DIAPH2: variants seen among roughly 807,000 people sequenced by gnomAD.
DIAPH2 encodes the protein diaphanous related formin 2.
A neutral mutation model predicts 92.7 loss-of-function variants in DIAPH2; 35 were observed. The observed-to-expected ratio is 0.38, with a 90% CI of 0.29 to 0.50. The LOEUF (loss-of-function observed/expected upper bound fraction) is 0.50, where lower values mean the gene tolerates loss of function less well. Ranked by LOEUF, DIAPH2 falls within the 20% of genes least tolerant of loss-of-function variation. The pLI, the probability that DIAPH2 is intolerant of heterozygous loss-of-function variation, is 0.94. For synonymous variants in DIAPH2, 301 were observed against 280.4 expected, an observed-to-expected ratio of 1.07 and a Z score of -0.73; for missense variants, 701 against 819.5, an observed-to-expected ratio of 0.86 and a Z score of 1.77.
rs747787733 is a variant in DIAPH2 at position 97,601,765 on chromosome X, T to TAACA, written c.*2451_*2454dup. 1.8e-5 allele frequency: 2 copies of TAACA among 112,055 alleles called. No homozygotes were observed. The highest frequency in any genetic ancestry group is 3.8e-5 in the Non-Finnish European group (2 of 53,305). The allele number at this position is 112,055 out of a possible 1,213,427, so 9.2% of individuals were successfully genotyped here. ...CATCCATCATCTCCTTTGGCTGCTG[T>TAACA]AACAAATTACCACCAATAATATGAT... On this transcript the variant is annotated 3_prime_UTR_variant, in exon 27 of 27. Coordinates refer to ENST00000324765, the MANE Select transcript of DIAPH2 (RefSeq NM_006729.5).
At chrX:97,168,806 T>A (rs1194819635) in intron 22 of DIAPH2, among the ~76,000 whole-genome samples, 1 of 112,221 alleles carries the variant, frequency 8.9e-6, no homozygotes, top group East Asian at 2.8e-4. Context: ...TCCTGTTTTA[T>A]GCATGGCCGC....
chrX:97,172,126 T>C (rs999497926), intron 22 of DIAPH2, among the ~76,000 whole-genome samples: 3 of 111,886 alleles, frequency 2.7e-5, no homozygotes, highest in Non-Finnish European at 3.8e-5. Flanking sequence ...TTATATGTTA[T>C]ACTAATAGTT....
rs1256739229 is a variant in DIAPH2 at position 97,364,830 on chromosome X, G to T, written c.3009+16550G>T. ...AAGCATTTCCAAAGGTCTTACTTTT[G>T]GTCCTGCATATTTTTCTTCCTGGGT... is the stretch of plus-strand genomic sequence containing the variant. On this transcript the variant is annotated intron_variant, in intron 24 of 26. Transcript: ENST00000324765. 4.6e-5 allele frequency among the ~76,000 whole-genome samples: 4 copies of T among 86,565 alleles called. No homozygotes were observed. The East Asian group carries it at 1.4e-3, about 31-fold the overall frequency. The allele number at this position is 86,565 out of a possible 115,157, so 75.2% of individuals were successfully genotyped here.
chrX:97,072,156 G>A (rs1338100038), intron 17 of DIAPH2, among the ~76,000 whole-genome samples: 3 of 111,726 alleles, frequency 2.7e-5, no homozygotes, highest in African/African-American at 9.8e-5. Flanking sequence ...ATAGCAGACA[G>A]CCACATTGTT....
chrX:97,258,891 A>T (rs1319582116), intron 23 of DIAPH2, among the ~76,000 whole-genome samples: 1 of 92,528 alleles, frequency 1.1e-5, no homozygotes, highest in Non-Finnish European at 2.1e-5. Context: ...AAAAAAAAAA[A>T]CAACAACAAC....
chrX:97,293,363 C>T, intron 23 of DIAPH2, among the ~76,000 whole-genome samples: 1 of 106,979 alleles, frequency 9.3e-6, no homozygotes, highest in African/African-American at 3.4e-5. Flanking sequence ...GGCCATTCTC[C>T]TGCCTCAGCC....
intron 5 of DIAPH2, among the ~76,000 whole-genome samples, chrX:96,893,735 GTC>G (rs1306927723): frequency 8.9e-6 from 1 of 112,283 alleles, no homozygotes; most frequent in Non-Finnish European, 1.9e-5. Context: ...CCCTTGGACT[GTC>G]TATCATCTCA....
intron 26 of DIAPH2, among the ~76,000 whole-genome samples, chrX:97,494,109 T>TTA (rs1262380169): frequency 2.8e-5 from 2 of 70,530 alleles, no homozygotes; most frequent in Non-Finnish European, 5.2e-5. Context: ...ATATATATAT[T>TTA]TATATATATG....
chrX:97,406,919 A>C (rs940896603), intron 25 of DIAPH2, among the ~76,000 whole-genome samples: 5 of 111,815 alleles, frequency 4.5e-5, no homozygotes, highest in Admixed American at 1.9e-4. Context: ...ACCACTTTTT[A>C]ACTCCATTTT....
chrX:97,487,011 C>T (rs1329010106), intron 26 of DIAPH2, among the ~76,000 whole-genome samples: 1 of 112,130 alleles, frequency 8.9e-6, no homozygotes, highest in African/African-American at 3.2e-5. Flanking sequence ...CGTGGAATCC[C>T]GCAGTATGAG....
At chrX:97,366,737 C>T (rs1183288897) in intron 24 of DIAPH2, among the ~76,000 whole-genome samples, 4 of 111,530 alleles carry the variant, frequency 3.6e-5, no homozygotes, top group Non-Finnish European at 5.6e-5. Flanking sequence ...TTCAAAGATC[C>T]TTTGAAGAAA....
chrX:97,227,500 A>G (rs2067974421), intron 22 of DIAPH2, among the ~76,000 whole-genome samples: 1 of 112,087 alleles, frequency 8.9e-6, no homozygotes, highest in Non-Finnish European at 1.9e-5. Context: ...GAGAAGTACA[A>G]AATGTACCCC....
intron 23 of DIAPH2, among the ~76,000 whole-genome samples, chrX:97,275,158 C>T (rs1244542985): frequency 1.8e-5 from 2 of 112,270 alleles, no homozygotes; most frequent in Admixed American, 1.9e-4. Context: ...CTGCTGGGTA[C>T]ACCTCCCAGA....
chrX:97,411,279 T>C (rs2069870006), intron 25 of DIAPH2, among the ~76,000 whole-genome samples: 1 of 111,900 alleles, frequency 8.9e-6, no homozygotes, highest in African/African-American at 3.2e-5. Flanking sequence ...ATTTTCAACT[T>C]AGAATTTCAT....
chrX:96,955,915 T>A (rs899174818), intron 15 of DIAPH2, among the ~76,000 whole-genome samples: 21 of 112,360 alleles, frequency 1.9e-4, no homozygotes, highest in Admixed American at 5.6e-4. Context: ...GTGCAAGCCA[T>A]CAGTAGATCT....
chrX:97,476,886 G>A (rs2070608648), intron 26 of DIAPH2, among the ~76,000 whole-genome samples: 1 of 95,168 alleles, frequency 1.1e-5, no homozygotes, highest in East Asian at 3.4e-4. Context: ...GGAGGTTGTG[G>A]TGAGCCGAGA....
intron 17 of DIAPH2, among the ~76,000 whole-genome samples, chrX:97,070,561 G>A (rs2066662714): frequency 9.0e-6 from 1 of 111,622 alleles, no homozygotes; most frequent in Non-Finnish European, 1.9e-5. Flanking sequence ...CCTAAGGAAT[G>A]CTTTTAAAAC....
chrX:96,692,411 T>A (rs2063802448), intron 1 of DIAPH2, among the ~76,000 whole-genome samples: 1 of 112,163 alleles, frequency 8.9e-6, no homozygotes, highest in Non-Finnish European at 1.9e-5. Flanking sequence ...AGATTTTTGA[T>A]CTAAGGTGTA....
At chrX:97,274,006 G>GGGGTGTGTGTGT (rs1491584449) in intron 23 of DIAPH2, among the ~76,000 whole-genome samples, 2 of 86,733 alleles carry the variant, frequency 2.3e-5, no homozygotes, top group African/African-American at 8.6e-5. Context: ...TAAAACTAGC[G>GGGGTGTGTGTGT]GTGTGTGTGT....
Sources: gnomAD v4.1 joint callset for allele counts (sites outside exome capture counted in the v4.1 genomes callset) on GRCh38, gnomAD v4.1.1 for gene constraint, MANE v1.5 for transcripts, NCBI Gene and HGNC (gene_info 2026-07-23, HGNC 2026-07-21) for gene names.